DLC1: variants seen among roughly 807,000 people sequenced by gnomAD.
DLC1 encodes DLC1 Rho GTPase activating protein.
Under a neutral mutation model 140.3 loss-of-function variants are expected in DLC1, and 54 were observed. The observed-to-expected ratio is 0.38, with a 90% CI of 0.31 to 0.48. DLC1 has a LOEUF of 0.48. Ranked by LOEUF, DLC1 falls within the 20% of genes least tolerant of loss-of-function variation. The pLI, the probability that DLC1 is intolerant of heterozygous loss-of-function variation, is 0.96. For synonymous variants in DLC1, 986 were observed against 728.1 expected (o/e 1.35, Z -5.70); for missense variants, 2,536 against 1,907.0 (o/e 1.33, Z -6.14).
chr8:13,133,020 C>A, intron 5 of DLC1: 2 of 1,597,554 alleles, frequency 1.3e-6, no homozygotes, highest in East Asian at 2.3e-5. Flanking sequence ...GTGGGGAAGT[C>A]GAGGCAGGCG....
At chr8:13,525,236 A>G (rs1051950773) in intron 1 of DLC1, among the ~76,000 whole-genome samples, 12 of 152,184 alleles carry the variant, frequency 7.9e-5, no homozygotes, top group African/African-American at 2.7e-4. Flanking sequence ...TCATCTGGTG[A>G]TGGACATTTG....
At chr8:13,364,758 GA>G (rs1370931875) in intron 4 of DLC1, among the ~76,000 whole-genome samples, 10 of 152,106 alleles carry the variant, frequency 6.6e-5, no homozygotes, top group African/African-American at 2.4e-4. Flanking sequence ...GCCTTTCAAA[GA>G]CCAATCAAAA....
chr8:13,531,885 C>G (rs758272358), intron 1 of DLC1, among the ~76,000 whole-genome samples: 12 of 151,954 alleles, frequency 7.9e-5, no homozygotes, highest in Middle Eastern at 3.2e-3. Flanking sequence ...AAAAATAAAC[C>G]CCCTACTTAT....
chr8:13,467,998 G>A (rs1368196949), intron 2 of DLC1, among the ~76,000 whole-genome samples: 2 of 152,100 alleles, frequency 1.3e-5, no homozygotes, highest in African/African-American at 4.8e-5. Context: ...CTATGTTTAT[G>A]ACTGACATTC....
chr8:13,499,139 C>G lies in DLC1; in HGVS notation c.933G>C (p.Lys311Asn), dbSNP rs1801650803. ...GTAAACACTGCATGCCATCTTCTGC[C>G]TTGACCTTTGGTGGACTTTTGTTTT... ...QHQNKSPPKVKAEDGMQCLQL... is the reference protein window; with the variant it reads ...QHQNKSPPKVNAEDGMQCLQL... The change falls in exon 2 of 18, where the codon AAG becomes AAC. Residue 311 changes from lysine to asparagine, a missense_variant. By Grantham distance (94) the Lys-to-Asn change is moderately conservative. Coordinates refer to ENST00000276297, the MANE Select transcript of DLC1 (RefSeq NM_182643.3). 1 of 1,614,168 alleles carries G rather than the reference C, an allele frequency of 6.2e-7. No homozygotes were observed. Among genetic ancestry groups the G allele is most frequent in the Non-Finnish European group, 8.5e-7 (1 of 1,180,014 alleles).
intron 1 of DLC1, chr8:13,558,817 G>C (rs558350693): frequency 4.6e-5 from 7 of 152,244 alleles, no homozygotes; most frequent in Non-Finnish European, 1.0e-4. Flanking sequence ...AATGTTAACT[G>C]TATCACTATA....
rs1228335900 is a variant in DLC1, at chr8:13,495,994, T to A, written c.1023+3055A>T. ...AATGAGCTGATTACAATTCCATAAC[T>A]AAAATGATATTAGCCTTAATTGATT... On this transcript the variant is annotated intron_variant, in intron 2 of 17. Transcript: ENST00000276297. 2.6e-5 allele frequency among the ~76,000 whole-genome samples: 4 copies of A among 152,244 alleles called. No individual in the cohort carries two copies. In the East Asian group the frequency reaches 7.7e-4, roughly 29 times the overall value.
intron 2 of DLC1, among the ~76,000 whole-genome samples, chr8:13,494,772 G>A (rs1801425321): frequency 6.6e-6 from 1 of 152,030 alleles, no homozygotes; most frequent in African/African-American, 2.4e-5. Context: ...CCAACATGGC[G>A]AAACCCCATG....
At chr8:13,179,528 C>G (rs548766790) in intron 5 of DLC1, among the ~76,000 whole-genome samples, 1 of 152,008 alleles carries the variant, frequency 6.6e-6, no homozygotes, top group South Asian at 2.1e-4. Flanking sequence ...TGAGACCAGC[C>G]TGGGTAATGT....
intron 4 of DLC1, among the ~76,000 whole-genome samples, chr8:13,383,538 G>T (rs538093342): frequency 5.9e-5 from 9 of 152,268 alleles, no homozygotes; most frequent in African/African-American, 2.2e-4. Flanking sequence ...GCTTGCATTA[G>T]AGACATGGCA....
intron 3 of DLC1, among the ~76,000 whole-genome samples, chr8:13,396,623 G>T (rs117503956): frequency 0.014 from 2,111 of 152,200 alleles, 21 homozygotes; most frequent in Middle Eastern, 0.027. Context: ...GTATCCCAAG[G>T]TAGAGCTGGC....
At chr8:13,166,572 A>G (rs1014034209) in intron 5 of DLC1, among the ~76,000 whole-genome samples, 2 of 152,058 alleles carry the variant, frequency 1.3e-5, no homozygotes, top group African/African-American at 4.8e-5. Context: ...AACTCAAGTG[A>G]TCCACCCGCT....
chr8:13,501,778 A>T (rs1383311069), intron 1 of DLC1, among the ~76,000 whole-genome samples: 3 of 152,140 alleles, frequency 2.0e-5, no homozygotes, highest in African/African-American at 7.2e-5. Flanking sequence ...TTCCATGTTG[A>T]CGTTCACTCT....
At chr8:13,601,526 C>T (rs1029021511) in intron 1 of DLC1, among the ~76,000 whole-genome samples, 4 of 151,624 alleles carry the variant, frequency 2.6e-5, no homozygotes, top group Admixed American at 6.6e-5. Flanking sequence ...GCTATCATAA[C>T]ACTACTATTC....
At chr8:13,550,236 G>C (rs1017041221) in intron 1 of DLC1, among the ~76,000 whole-genome samples, 1 of 152,066 alleles carries the variant, frequency 6.6e-6, no homozygotes, top group Non-Finnish European at 1.5e-5. Flanking sequence ...CGAAAGATCT[G>C]ATGGTTTTAA....
intron 5 of DLC1, among the ~76,000 whole-genome samples, chr8:13,297,289 A>AC (rs1831997525): frequency 7.0e-6 from 1 of 142,910 alleles, no homozygotes; most frequent in African/African-American, 2.6e-5. Context: ...CATTAAAAAA[A>AC]AAAAAAACTG....
chr8:13,528,985 T>C (rs1803007578), intron 1 of DLC1, among the ~76,000 whole-genome samples: 2 of 152,182 alleles, frequency 1.3e-5, no homozygotes, highest in African/African-American at 4.8e-5. Context: ...AGCTTATGTC[T>C]GAATAGCTAT....
In DLC1 at chr8:13,164,975, C is replaced by T. The variant is rs187137118; in HGVS notation, c.1349-49318G>A. Among the ~76,000 whole-genome samples, 543 of 152,096 alleles carry T rather than the reference C, an allele frequency of 3.6e-3. 3 individuals carry two copies. Among genetic ancestry groups the T allele is most frequent in the African/African-American group, 0.012 (499 of 41,480 alleles). On this transcript the variant is annotated intron_variant, in intron 5 of 17. Coordinates refer to ENST00000276297, the MANE Select transcript of DLC1 (RefSeq NM_182643.3). ...GTGGGAGTTGAAGTACCTTTGTAGC[C>T]CCGGATATCAGTGAAGAAATTGTCA... is the stretch of plus-strand genomic sequence containing the variant.
At chr8:13,420,325 A>T (rs289599) in intron 2 of DLC1, among the ~76,000 whole-genome samples, 4,205 of 152,202 alleles carry the variant, frequency 0.028, 203 homozygotes, top group African/African-American at 0.095. Flanking sequence ...TGAAAGGAGA[A>T]AGTAGGGAGG....
Sources: gnomAD v4.1 joint callset for allele counts (sites outside exome capture counted in the v4.1 genomes callset) on GRCh38, gnomAD v4.1.1 for gene constraint, MANE v1.5 for transcripts, NCBI Gene and HGNC (gene_info 2026-07-23, HGNC 2026-07-21) for gene names.